The following HTRA1 variants were observed in gnomAD, a reference collection of about 807,000 sequenced individuals.
The protein encoded by HTRA1 is HtrA serine peptidase 1, also known as serine protease HTRA1.
Under a neutral mutation model 49.7 loss-of-function variants are expected in HTRA1, and 26 were observed. The observed-to-expected ratio is 0.52, with a 90% CI of 0.38 to 0.73. The LOEUF is 0.73. Among genes scored for constraint, HTRA1 ranks in the 30% least tolerant of loss-of-function variants. The pLI is 0.00. For synonymous variants in HTRA1, 291 were observed against 286.9 expected (o/e 1.01, Z -0.14); for missense variants, 561 against 667.2 (o/e 0.84, Z 1.75).
chr10:122,499,064 G>A (rs1229252550), intron 3 of HTRA1, among the ~76,000 whole-genome samples: 1 of 152,146 alleles, frequency 6.6e-6, no homozygotes, highest in East Asian at 1.9e-4. Flanking sequence ...ATGATACCGT[G>A]GTTGTTCTGT....
intron 6 of HTRA1, 134 bp from the exon 7 acceptor site, chr10:122,509,962 A>G (rs1369988468): frequency 8.1e-5 from 61 of 756,776 alleles, no homozygotes; most frequent in Middle Eastern, 3.4e-4. Context: ...CCAGACCAGG[A>G]TTTGAGCCGC....
In HTRA1 at chr10:122,477,459, G is replaced by A. The variant is rs558366347; in HGVS notation, c.473-11443G>A. ...GCTGGCACCTGGAGGATGGGGCCCC[G>A]AGGCTGGACCTCACTCCTGCTGGGT... On this transcript the variant is annotated intron_variant, in intron 1 of 8. Coordinates refer to ENST00000368984, the MANE Select transcript of HTRA1 (RefSeq NM_002775.5). Among the ~76,000 whole-genome samples the A allele has an allele frequency of 1.2e-4, 19 of 152,310 alleles. No individual in the cohort carries two copies. The East Asian group carries it at 1.7e-3, about 14-fold the overall frequency.
Position 122,514,213 on chromosome 10 carries a change from G to A in HTRA1, c.1297G>A (p.Val433Ile), listed in dbSNP as rs751200867. ...CAGTGGTGGTCTCAAGGAAAACGAC[G>A]TCATAATCAGCATCAATGGACAGTC... ...AEAGGLKEND[V>I]IISINGQSVV... Residue 433 changes from valine (V) to isoleucine (I), a missense_variant, in exon 9 of 9, where the codon GTC becomes ATC. Transcript: ENST00000368984. The A allele has an allele frequency of 1.4e-5, 22 of 1,613,804 alleles. No individual in the cohort carries two copies. The highest frequency in any genetic ancestry group is 2.7e-5 in the African/African-American group (2 of 74,866).
intron 1 of HTRA1, among the ~76,000 whole-genome samples, chr10:122,475,791 C>T (rs747530830): frequency 2.0e-5 from 3 of 152,226 alleles, no homozygotes; most frequent in Non-Finnish European, 2.9e-5. Context: ...GCAGTACCAG[C>T]AGCAGCGATT....
chr10:122,508,518 A>T (rs1591040898), intron 5 of HTRA1, 138 bp from the exon 6 acceptor site: 3 of 747,714 alleles, frequency 4.0e-6, no homozygotes, highest in Admixed American at 3.6e-5. Flanking sequence ...CCCTGCTGCC[A>T]CGGGGATCCC....
intron 1 of HTRA1, among the ~76,000 whole-genome samples, chr10:122,470,903 C>T (rs2097485818): frequency 6.6e-6 from 1 of 152,146 alleles, no homozygotes; most frequent in African/African-American, 2.4e-5. Context: ...CCTACTGAGA[C>T]ATGATAGCTC....
At chr10:122,509,430 G>A (rs1371915828) in intron 6 of HTRA1, among the ~76,000 whole-genome samples, 6 of 152,234 alleles carry the variant, frequency 3.9e-5, no homozygotes, top group Non-Finnish European at 7.3e-5. Flanking sequence ...GGGCAGGGAT[G>A]TGGGGGGAAC....
At chr10:122,462,961 C>T (rs2097482208) in intron 1 of HTRA1, among the ~76,000 whole-genome samples, 1 of 152,266 alleles carries the variant, frequency 6.6e-6, no homozygotes, top group Non-Finnish European at 1.5e-5. Context: ...GTCTAACTCT[C>T]TCGCGGGACC....
rs1001953409 is a variant in HTRA1 at position 122,490,081 on chromosome 10, C to T, written c.777+455C>T. 1.3e-5 allele frequency among the ~76,000 whole-genome samples: 2 copies of T among 152,114 alleles called. No homozygotes were observed. The highest frequency in any genetic ancestry group is 2.4e-5 in the African/African-American group (1 of 41,402). ...TTACTTTGAAAACAAACCAGCTCTC[C>T]CAAATTGGGGTTTTGCGGGGTTATG... On this transcript the variant is annotated intron_variant, in intron 3 of 8. Coordinates refer to ENST00000368984, the MANE Select transcript of HTRA1 (RefSeq NM_002775.5). The surrounding 1 kb of genome is among the most constrained non-coding windows in gnomAD (Gnocchi z 4.2).
chr10:122,491,507 T>G (rs534840444), intron 3 of HTRA1, among the ~76,000 whole-genome samples: 1 of 152,386 alleles, frequency 6.6e-6, no homozygotes, highest in South Asian at 2.1e-4. Flanking sequence ...ATGGGCTGTG[T>G]GCAGGCGAGG....
intron 3 of HTRA1, among the ~76,000 whole-genome samples, chr10:122,496,798 T>C (rs1226052567): frequency 6.6e-6 from 1 of 152,162 alleles, no homozygotes; most frequent in Non-Finnish European, 1.5e-5. Flanking sequence ...AGATCCTGGA[T>C]CTTGGACTAA....
Position 122,461,669 on chromosome 10 carries a change from C to A in HTRA1, c.17C>A (p.Ala6Asp). Residue 6 changes from alanine (A) to aspartate (D), a missense_variant, in exon 1 of 9, where the codon GCC becomes GAC. Ala to Asp is a moderately radical substitution (Grantham distance 126). Around this residue, in one of 3 missense-constraint regions of HTRA1, gnomAD observed 111 missense variants for 83.7 expected, o/e 1.33. Transcript: ENST00000368984. MQIPR[A>D]ALLPLLLLLL... ...AGAGTCGCCATGCAGATCCCGCGCG[C>A]CGCTCTTCTCCCGCTGCTGCTGCTG... The A allele has an allele frequency of 7.6e-7, 1 of 1,314,224 alleles. No individual in the cohort carries two copies. The allele number at this position is 1,314,224 out of a possible 1,614,324, so 81.4% of individuals were successfully genotyped here. A position where few individuals can be genotyped will look rare whatever the true frequency, so the allele number is the denominator to read the frequency against.
intron 1 of HTRA1, among the ~76,000 whole-genome samples, chr10:122,475,302 G>T (rs986936722): frequency 6.6e-6 from 1 of 152,226 alleles, no homozygotes; most frequent in Non-Finnish European, 1.5e-5. Flanking sequence ...ACTTGGAGCC[G>T]TCTGGGAGAC....
chr10:122,489,381 A>G (rs762539256), intron 2 of HTRA1, 41 bp from the exon 3 acceptor site: 2 of 1,562,720 alleles, frequency 1.3e-6, no homozygotes, highest in South Asian at 1.1e-5. Flanking sequence ...CGTTCATTTT[A>G]AGGTGCTACA....
In HTRA1 at chr10:122,514,521, A is replaced by C. The variant is rs1228757795; in HGVS notation, c.*162A>C. The C allele has an allele frequency of 4.3e-6, 3 of 699,974 alleles. No individual in the cohort carries two copies. Among genetic ancestry groups the C allele is most frequent in the Non-Finnish European group, 7.6e-6 (3 of 395,812 alleles). 43.4% of individuals were successfully genotyped at this position (699,974 alleles called of 1,614,324 possible). On this transcript the variant is annotated 3_prime_UTR_variant, in exon 9 of 9. Transcript: ENST00000368984. ...AACAGAATCCTTCTTGATAGTTTGC[A>C]GGCAAAACAAATGTAATGTTGCAGA...
chr10:122,483,414 T>C (rs1357017676), intron 1 of HTRA1, among the ~76,000 whole-genome samples: 1 of 152,242 alleles, frequency 6.6e-6, no homozygotes, highest in Non-Finnish European at 1.5e-5. Context: ...ATTTACTAGG[T>C]AAGTGGAAAG....
At chr10:122,482,191 T>C (rs1046528225) in intron 1 of HTRA1, among the ~76,000 whole-genome samples, 3 of 152,208 alleles carry the variant, frequency 2.0e-5, no homozygotes, top group African/African-American at 7.2e-5. Flanking sequence ...TGATTACTTA[T>C]GAATGGGATA....
chr10:122,461,672 C>G lies in HTRA1; in HGVS notation c.20C>G (p.Ala7Gly), dbSNP rs755119457. The G allele has an allele frequency of 3.0e-6, 4 of 1,315,824 alleles. No individual in the cohort carries two copies. Among genetic ancestry groups the G allele is most frequent in the Non-Finnish European group, 3.9e-6 (4 of 1,017,580 alleles). The allele number at this position is 1,315,824 out of a possible 1,614,324, so 81.5% of individuals were successfully genotyped here. MQIPRAALLPLLLLLLA... is the reference protein window; with the variant it reads MQIPRAGLLPLLLLLLA... ...GTCGCCATGCAGATCCCGCGCGCCG[C>G]TCTTCTCCCGCTGCTGCTGCTGCTG... The change falls in exon 1 of 9, where the codon GCT becomes GGT. Residue 7 changes from alanine (A) to glycine (G), a missense_variant. Ala to Gly is a moderately conservative substitution (Grantham distance 60, BLOSUM62 0). Around this residue, in one of 3 missense-constraint regions of HTRA1, gnomAD observed 111 missense variants for 83.7 expected, o/e 1.33. Transcript: ENST00000368984.
intron 1 of HTRA1, among the ~76,000 whole-genome samples, chr10:122,486,667 C>A (rs2133436784): frequency 6.6e-6 from 1 of 152,224 alleles, no homozygotes; most frequent in South Asian, 2.1e-4. Flanking sequence ...CACAAGAGGG[C>A]TGGGACGTCT....
Sources: gnomAD v4.1 joint callset for allele counts (sites outside exome capture counted in the v4.1 genomes callset) on GRCh38, gnomAD v4.1.1 for gene constraint, gnomAD v4.1.1 regional missense constraint, Gnocchi (gnomAD v3.1) non-coding constraint, MANE v1.5 for transcripts, NCBI Gene and HGNC (gene_info 2026-07-23, HGNC 2026-07-21) for gene names.